DGKG: variants seen among roughly 807,000 people sequenced by gnomAD.
DGKG encodes the protein DAG kinase gamma.
In DGKG, 78 loss-of-function variants were observed where a neutral mutation model predicts 105.3. The ratio of observed to expected loss-of-function variants is 0.74; its 90% CI spans 0.62 to 0.89. The LOEUF (loss-of-function observed/expected upper bound fraction) is 0.89, where lower values mean the gene tolerates loss of function less well. Among genes scored for constraint, DGKG ranks in the 40% least tolerant of loss-of-function variants. The pLI is 0.00. For synonymous variants in DGKG, 346 were observed against 367.1 expected (o/e 0.94, Z 0.66); for missense variants, 958 against 1,020.1 (o/e 0.94, Z 0.83).
At chr3:186,165,503 T>C (rs1001355250) in intron 22 of DGKG, among the ~76,000 whole-genome samples, 5 of 152,218 alleles carry the variant, frequency 3.3e-5, no homozygotes, top group African/African-American at 1.2e-4. Context: ...ATTTGGCCTG[T>C]GGTAAGCCAC....
At chr3:186,327,560 A>G (rs980687278) in intron 1 of DGKG, among the ~76,000 whole-genome samples, 1 of 150,844 alleles carries the variant, frequency 6.6e-6, no homozygotes, top group African/African-American at 2.4e-5. Context: ...GTATGCCACT[A>G]TGACCTGCTA....
intron 22 of DGKG, among the ~76,000 whole-genome samples, chr3:186,165,699 A>G (rs1716508487): frequency 6.6e-6 from 1 of 152,250 alleles, no homozygotes; most frequent in Non-Finnish European, 1.5e-5. Context: ...GTGGTCTCCC[A>G]CAGTGGGATT....
chr3:186,349,953 T>C (rs1292728015), intron 1 of DGKG, among the ~76,000 whole-genome samples: 5 of 151,880 alleles, frequency 3.3e-5, no homozygotes, highest in Non-Finnish European at 7.4e-5. Context: ...GGCATAATCA[T>C]GGCTCACTGC....
chr3:186,229,267 G>A (rs1008468369), intron 20 of DGKG, among the ~76,000 whole-genome samples: 1 of 150,152 alleles, frequency 6.7e-6, no homozygotes, highest in African/African-American at 2.5e-5. Context: ...TTTAGATGGA[G>A]TCTCATTCTG....
intron 24 of DGKG, among the ~76,000 whole-genome samples, chr3:186,154,499 G>A (rs1363247880): frequency 6.6e-6 from 1 of 151,912 alleles, no homozygotes; most frequent in Non-Finnish European, 1.5e-5. Context: ...ACAAAAATTA[G>A]CCAGGTGTGG....
At chr3:186,321,408 C>T (rs1725069012) in intron 1 of DGKG, among the ~76,000 whole-genome samples, 1 of 152,194 alleles carries the variant, frequency 6.6e-6, no homozygotes, top group Non-Finnish European at 1.5e-5. Context: ...GCATCTACCA[C>T]AGTAAGGGGA....
intron 1 of DGKG, among the ~76,000 whole-genome samples, chr3:186,322,780 T>G (rs1284393563): frequency 2.0e-5 from 3 of 152,144 alleles, no homozygotes. Flanking sequence ...TATCCAACCA[T>G]CTACTGTGAC....
chr3:186,249,959 A>G (rs1721127041), intron 19 of DGKG, among the ~76,000 whole-genome samples: 1 of 152,166 alleles, frequency 6.6e-6, no homozygotes, highest in African/African-American at 2.4e-5. Flanking sequence ...AAAGAAACAC[A>G]GCTGAGGATG....
rs754483425 is a variant in DGKG, at chr3:186,188,335, G to A, written c.1962C>T (p.Gly654=). ...TGCTGGGAATGTTGAGAATGGCAAT[G>A]CCTTCCAGGAAGATGTTGCTCAGGT... is the stretch of plus-strand genomic sequence containing the variant. The part of the protein sequence containing the change: ...GVDLSNIFLE[G]IAILNIPSMY... Residue 654 remains glycine, a synonymous_variant, in exon 22 of 25, where the codon GGC becomes GGT. Coordinates refer to ENST00000265022, the MANE Select transcript of DGKG (RefSeq NM_001346.3). 7.4e-6 allele frequency: 12 copies of A among 1,614,128 alleles called. No homozygotes were observed. The Admixed American group carries it at 1.0e-4, about 13-fold the overall frequency.
chr3:186,211,492 C>CT (rs1203183196), intron 21 of DGKG, among the ~76,000 whole-genome samples: 1 of 152,156 alleles, frequency 6.6e-6, no homozygotes, highest in Non-Finnish European at 1.5e-5. Flanking sequence ...GCAATGGAGA[C>CT]TTTATCTCTC....
intron 13 of DGKG, among the ~76,000 whole-genome samples, chr3:186,267,439 T>C (rs2108580331): frequency 6.6e-6 from 1 of 152,298 alleles, no homozygotes; most frequent in South Asian, 2.1e-4. Context: ...AACTGGGCAC[T>C]GGGCTAAAAA....
At chr3:186,228,046 C>G (rs751300722) in intron 20 of DGKG, among the ~76,000 whole-genome samples, 4 of 152,168 alleles carry the variant, frequency 2.6e-5, no homozygotes, top group Non-Finnish European at 4.4e-5. Flanking sequence ...GTTAAACTAA[C>G]TTTAAAAGCC....
chr3:186,209,093 C>CTTTTTTTTTTTTTTTTTTTTTT (rs34226259), intron 21 of DGKG, among the ~76,000 whole-genome samples: 2 of 89,838 alleles, frequency 2.2e-5, no homozygotes, highest in African/African-American at 9.6e-5. Context: ...GTTTACTCTT[C>CTTTTTTTTTTTTTTTTTTTTTT]TTTTTTTTTT....
At chr3:186,351,263 A>C (rs1043097919) in intron 1 of DGKG, among the ~76,000 whole-genome samples, 1 of 152,216 alleles carries the variant, frequency 6.6e-6, no homozygotes, top group African/African-American at 2.4e-5. Flanking sequence ...TATAACAAAT[A>C]TTCCCAAATA....
rs139161142 is a variant in DGKG at position 186,284,463 on chromosome 3, TTGGCA to T, written c.594+192_594+196del. Among the ~76,000 whole-genome samples, 988 of 152,284 alleles carry T rather than the reference TTGGCA, an allele frequency of 6.5e-3. 7 individuals carry two copies. Among genetic ancestry groups the T allele is most frequent in the African/African-American group, 0.023 (946 of 41,548 alleles). ...CAGGCTTCTAGAGCGAAAAGGTAAG[TTGGCA>T]TTCACGCTCTGCAAGGCCGGCCCTT... On this transcript the variant is annotated intron_variant, in intron 7 of 24. Transcript: ENST00000265022. This position sits in a 1 kb window ranked among gnomAD's most constrained non-coding sequence, Gnocchi z 4.0.
intron 1 of DGKG, among the ~76,000 whole-genome samples, chr3:186,336,470 G>T (rs1179196186): frequency 2.0e-5 from 3 of 152,160 alleles, no homozygotes; most frequent in Non-Finnish European, 4.4e-5. Context: ...ACACTTTGCA[G>T]CCTTAAATAA....
chr3:186,355,553 C>T (rs1194778240), intron 1 of DGKG, among the ~76,000 whole-genome samples: 2 of 151,578 alleles, frequency 1.3e-5, no homozygotes, highest in Non-Finnish European at 2.9e-5. Flanking sequence ...ATCACCACCA[C>T]CACCACCTTA....
chr3:186,237,586 A>C (rs1720477960), intron 20 of DGKG, among the ~76,000 whole-genome samples: 1 of 152,154 alleles, frequency 6.6e-6, no homozygotes, highest in Non-Finnish European at 1.5e-5. Context: ...TCATTTCTAA[A>C]ATGGGGACAG....
At chr3:186,323,084 T>C (rs1725158678) in intron 1 of DGKG, among the ~76,000 whole-genome samples, 1 of 152,214 alleles carries the variant, frequency 6.6e-6, no homozygotes, top group African/African-American at 2.4e-5. Context: ...TCTCCTCCCC[T>C]TGGTCTGCTC....
Sources: gnomAD v4.1 joint callset for allele counts (sites outside exome capture counted in the v4.1 genomes callset) on GRCh38, gnomAD v4.1.1 for gene constraint, Gnocchi (gnomAD v3.1) non-coding constraint, MANE v1.5 for transcripts, NCBI Gene and HGNC (gene_info 2026-07-23, HGNC 2026-07-21) for gene names.